ZFAT: variants seen among roughly 807,000 people sequenced by gnomAD.
The protein encoded by ZFAT is zinc finger protein ZFAT.
In ZFAT, 64 loss-of-function variants were observed where a neutral mutation model predicts 117.7. The observed-to-expected ratio is 0.54, with a 90% CI of 0.44 to 0.67. The LOEUF is 0.67. ZFAT is among the 30% of genes least tolerant of loss of function. The pLI, the probability that ZFAT is intolerant of heterozygous loss-of-function variation, is 0.00. For missense variants in ZFAT, 1,433 were observed against 1,584.5 expected, an observed-to-expected ratio of 0.90 and a Z score of 1.62; for synonymous variants, 679 against 615.0, an observed-to-expected ratio of 1.10 and a Z score of -1.54.
At chr8:134,511,234 A>G (rs1238668066) in intron 14 of ZFAT, among the ~76,000 whole-genome samples, 1 of 152,002 alleles carries the variant, frequency 6.6e-6, no homozygotes, top group Non-Finnish European at 1.5e-5. Context: ...AGTGAGTCTG[A>G]GAGTGAGAGT....
chr8:134,555,333 A>C (rs28716998), intron 11 of ZFAT, among the ~76,000 whole-genome samples: 4,571 of 152,286 alleles, frequency 0.03, 121 homozygotes, highest in African/African-American at 0.072. Flanking sequence ...TCCCAGAAAT[A>C]AAGGCAGGTA....
At chr8:134,630,973 C>G (rs1239719881) in intron 3 of ZFAT, among the ~76,000 whole-genome samples, 1 of 152,176 alleles carries the variant, frequency 6.6e-6, no homozygotes, top group Non-Finnish European at 1.5e-5. Context: ...GCTTGGCAAA[C>G]TAGAGAACAC....
At chr8:134,483,586 C>A (rs1817465470) in intron 15 of ZFAT, among the ~76,000 whole-genome samples, 2 of 152,218 alleles carry the variant, frequency 1.3e-5, no homozygotes, top group African/African-American at 4.8e-5. Context: ...ATATGGCGCT[C>A]ACAGTGTCAT....
chr8:134,712,916 T>A lies in ZFAT; in HGVS notation c.-53A>T. On this transcript the variant is annotated 5_prime_UTR_variant, in exon 1 of 16. Transcript: ENST00000377838. ...AAGCCTCGGGCTCTTCCGGGCCCCC[T>A]CCCGTGCCGACCGAGGGGGCGGGGC... 1 of 1,371,162 alleles carries A rather than the reference T, an allele frequency of 7.3e-7. No homozygotes were observed. Among genetic ancestry groups the A allele is most frequent in the Non-Finnish European group, 9.5e-7 (1 of 1,055,444 alleles). 84.9% of individuals were successfully genotyped at this position (1,371,162 alleles called of 1,614,324 possible).
chr8:134,646,078 G>A (rs991065717), intron 2 of ZFAT, among the ~76,000 whole-genome samples: 14 of 152,032 alleles, frequency 9.2e-5, no homozygotes, highest in Admixed American at 2.0e-4. Flanking sequence ...GCGTGGTGGC[G>A]GGCGCCTGTA....
chr8:134,770,233 T>C, the ZFAT span, among the ~76,000 whole-genome samples: 8 of 152,346 alleles, frequency 5.3e-5, no homozygotes, highest in East Asian at 1.5e-3. Context: ...TTCCAAACTT[T>C]TATATTCTAC....
intron 15 of ZFAT, among the ~76,000 whole-genome samples, chr8:134,491,805 C>A (rs1460751969): frequency 6.6e-6 from 1 of 152,226 alleles, no homozygotes; most frequent in African/African-American, 2.4e-5. Flanking sequence ...TAATTAGCAA[C>A]CTTAATTCCC....
chr8:134,796,491 A>C, the ZFAT span: 1 of 152,214 alleles, frequency 6.6e-6, no homozygotes, highest in Non-Finnish European at 1.5e-5. Flanking sequence ...GTTGAGTGGA[A>C]TGTGAGAGGA....
chr8:134,671,586 T>C (rs1335215164), intron 1 of ZFAT, among the ~76,000 whole-genome samples: 2 of 152,218 alleles, frequency 1.3e-5, no homozygotes, highest in African/African-American at 4.8e-5. Context: ...ATAAATTAGG[T>C]ATTGATGGGA....
chr8:134,520,874 A>G lies in ZFAT; in HGVS notation c.3234+9T>C. 1 of 1,611,372 alleles carries G rather than the reference A, an allele frequency of 6.2e-7. No individual in the cohort carries two copies. Among genetic ancestry groups the G allele is most frequent in the Non-Finnish European group, 8.5e-7 (1 of 1,177,968 alleles). On this transcript the variant is annotated intron_variant, in intron 13 of 15. Transcript: ENST00000377838. Reference sequence around the variant, plus strand: ...ATGTCAAGATTAATACCATACTTAAAAAAATTACCTCCCACTTGGGGTCTC... The same window carrying G: ...ATGTCAAGATTAATACCATACTTAAGAAAATTACCTCCCACTTGGGGTCTC...
chr8:134,499,413 G>A lies in ZFAT; in HGVS notation c.3492+10206C>T, dbSNP rs147383101. Among the ~76,000 whole-genome samples the A allele has an allele frequency of 5.2e-3, 771 of 148,446 alleles. 3 individuals carry two copies. The highest frequency in any genetic ancestry group is 0.019 in the African/African-American group (742 of 39,914). On this transcript the variant is annotated intron_variant, in intron 15 of 15. Transcript: ENST00000377838. ...TGGAGCTGGGATGCCCCCGTTGCTG[G>A]TTACACACAGAGCGTGATTTGGTAG...
intron 15 of ZFAT, among the ~76,000 whole-genome samples, chr8:134,508,955 A>G (rs749176883): frequency 6.6e-6 from 1 of 152,236 alleles, no homozygotes; most frequent in Non-Finnish European, 1.5e-5. Context: ...AAGCCAGCTA[A>G]AATCTTTTGT....
intron 1 of ZFAT, among the ~76,000 whole-genome samples, chr8:134,660,626 T>C (rs1284288499): frequency 2.6e-5 from 4 of 152,238 alleles, no homozygotes; most frequent in Non-Finnish European, 4.4e-5. Context: ...AACAATCTCA[T>C]GTAATGTTTT....
chr8:134,668,712 G>A (rs909663221), intron 1 of ZFAT, among the ~76,000 whole-genome samples: 1 of 152,218 alleles, frequency 6.6e-6, no homozygotes, highest in Non-Finnish European at 1.5e-5. Context: ...CCCTTCAAAG[G>A]AACACAGCTC....
the ZFAT span, among the ~76,000 whole-genome samples, chr8:134,772,922 A>G: frequency 6.6e-6 from 1 of 151,530 alleles, no homozygotes; most frequent in Admixed American, 6.6e-5. Flanking sequence ...AAAAAGAACA[A>G]AACAACAACA....
chr8:134,505,399 C>T (rs1033666073), intron 15 of ZFAT, among the ~76,000 whole-genome samples: 1 of 152,180 alleles, frequency 6.6e-6, no homozygotes, highest in African/African-American at 2.4e-5. Flanking sequence ...GCCCGCACCC[C>T]TCAACCAAAG....
chr8:134,523,761 G>C (rs1267675044), intron 12 of ZFAT, among the ~76,000 whole-genome samples: 2 of 152,046 alleles, frequency 1.3e-5, no homozygotes, highest in Admixed American at 1.3e-4. Flanking sequence ...TGTGCCTCCT[G>C]GTTCACAAAC....
chr8:134,625,478 A>G (rs901907513), intron 3 of ZFAT, among the ~76,000 whole-genome samples: 1 of 152,222 alleles, frequency 6.6e-6, no homozygotes, highest in Admixed American at 6.5e-5. Flanking sequence ...GAAGCCTTCC[A>G]GGAAACGCTC....
chr8:134,608,132 G>A (rs1456630012), intron 5 of ZFAT, among the ~76,000 whole-genome samples: 2 of 152,272 alleles, frequency 1.3e-5, no homozygotes, highest in East Asian at 3.9e-4. Context: ...GACTTTCAAG[G>A]TGTAGTAAGC....
Sources: allele counts gnomAD v4.1 joint callset (sites outside exome capture counted in the v4.1 genomes callset), GRCh38; gene constraint gnomAD v4.1.1; transcripts MANE v1.5; gene names NCBI Gene and HGNC (gene_info 2026-07-23, HGNC 2026-07-21).